PDILT: variants seen among roughly 807,000 people sequenced by gnomAD.
PDILT encodes protein disulfide isomerase like, testis expressed, also known as protein disulfide-isomerase-like protein of the testis.
A neutral mutation model predicts 53.7 loss-of-function variants in PDILT; 43 were observed. The ratio of observed to expected loss-of-function variants is 0.80; its 90% CI spans 0.63 to 1.03. The LOEUF (loss-of-function observed/expected upper bound fraction) is 1.03, where lower values mean the gene tolerates loss of function less well. Among genes scored for constraint, PDILT ranks in the 50% least tolerant of loss-of-function variants. The pLI, the probability that PDILT is intolerant of heterozygous loss-of-function variation, is 0.00. For synonymous variants in PDILT, 282 were observed against 274.2 expected, an observed-to-expected ratio of 1.03 and a Z score of -0.28; for missense variants, 727 against 712.3, an observed-to-expected ratio of 1.02 and a Z score of -0.24.
chr16:20,403,849 C>T (rs769840458), intron 1 of PDILT, among the ~76,000 whole-genome samples: 5 of 152,030 alleles, frequency 3.3e-5, no homozygotes, highest in African/African-American at 4.8e-5. Flanking sequence ...ACACCCTACC[C>T]GGGGCCTTTG....
At chr16:20,383,336 A>T (rs962461163) in intron 3 of PDILT, among the ~76,000 whole-genome samples, 1 of 152,050 alleles carries the variant, frequency 6.6e-6, no homozygotes, top group Non-Finnish European at 1.5e-5. Context: ...GAGCAAACAC[A>T]TCACAAAGGG....
At chr16:20,397,638 G>A (rs747022482) in intron 2 of PDILT, among the ~76,000 whole-genome samples, 4 of 152,270 alleles carry the variant, frequency 2.6e-5, no homozygotes, top group Non-Finnish European at 4.4e-5. Flanking sequence ...GTCTGTAAAT[G>A]GTTCTGGTCA....
intron 3 of PDILT, among the ~76,000 whole-genome samples, chr16:20,378,878 T>G (rs984981057): frequency 1.3e-5 from 2 of 152,236 alleles, no homozygotes; most frequent in Admixed American, 6.5e-5. Flanking sequence ...ATAAATGTTC[T>G]TGGCTCTGGT....
intron 9 of PDILT, among the ~76,000 whole-genome samples, chr16:20,364,965 C>T (rs991921723): frequency 5.9e-5 from 9 of 152,122 alleles, no homozygotes; most frequent in African/African-American, 7.2e-5. Context: ...ATCCCAGTTC[C>T]GGCACTTACT....
intron 7 of PDILT, among the ~76,000 whole-genome samples, chr16:20,371,279 A>G (rs1327236428): frequency 6.6e-6 from 1 of 152,200 alleles, no homozygotes; most frequent in Non-Finnish European, 1.5e-5. Context: ...CTAGAAAGTG[A>G]CATGATAATA....
At chr16:20,359,793 G>A (rs528797962) in intron 11 of PDILT, among the ~76,000 whole-genome samples, 12 of 152,328 alleles carry the variant, frequency 7.9e-5, no homozygotes, top group African/African-American at 2.9e-4. Context: ...TCAGGTAAGA[G>A]GACCTTTGGG....
Position 20,359,385 on chromosome 16 carries a change from C to G in PDILT, c.1689G>C (p.Val563=). 1.9e-6 allele frequency: 3 copies of G among 1,614,136 alleles called. No individual in the cohort carries two copies. In the Admixed American group the frequency reaches 5.0e-5, roughly 27 times the overall value. The change falls in exon 12 of 12, where the codon GTG becomes GTC. Residue 563 remains valine (V), a synonymous_variant. Coordinates refer to ENST00000302451, the MANE Select transcript of PDILT (RefSeq NM_174924.2). ...GAGGTCCCTTTGGCTTAGCCACCAC[C>G]ACCACCACCTCCTCAGATGTTTTCT... ...GKKKTSEEVV[V]VVAKPKGPPV...
intron 10 of PDILT, among the ~76,000 whole-genome samples, 180 bp downstream of exon 10, chr16:20,362,224 G>A (rs1422249764): frequency 6.6e-6 from 1 of 152,220 alleles, no homozygotes; most frequent in African/African-American, 2.4e-5. Context: ...GTGAGTCTCA[G>A]GACTTTGGTG....
intron 1 of PDILT, among the ~76,000 whole-genome samples, chr16:20,403,000 C>A (rs867560223): frequency 6.6e-6 from 1 of 152,224 alleles, no homozygotes. Flanking sequence ...CAGCTCCCTA[C>A]CCCCTACTCA....
chr16:20,400,178 G>T (rs1966719041), intron 1 of PDILT, among the ~76,000 whole-genome samples: 1 of 151,674 alleles, frequency 6.6e-6, no homozygotes. Flanking sequence ...TCACCCTAGT[G>T]ATCCTCCCAC....
At chr16:20,369,463 G>T in intron 8 of PDILT, 29 bp downstream of exon 8, 1 of 1,595,112 alleles carries the variant, frequency 6.3e-7, no homozygotes, top group African/African-American at 1.3e-5. Flanking sequence ...TTGAGGTTCT[G>T]GATAAACCTT....
At chr16:20,381,608 C>T (rs1596589996) in intron 3 of PDILT, among the ~76,000 whole-genome samples, 1 of 148,910 alleles carries the variant, frequency 6.7e-6, no homozygotes, top group Non-Finnish European at 1.5e-5. Flanking sequence ...TGCACTCCAG[C>T]CTGGCAAAAC....
chr16:20,368,019 C>A (rs537201743), intron 8 of PDILT, among the ~76,000 whole-genome samples: 1 of 152,072 alleles, frequency 6.6e-6, no homozygotes, highest in African/African-American at 2.4e-5. Context: ...TGCAAGTTCA[C>A]AGAGGGGGCA....
intron 1 of PDILT, among the ~76,000 whole-genome samples, chr16:20,400,054 C>A (rs11862390): frequency 0.15 from 18,432 of 123,494 alleles, 2,134 homozygotes; most frequent in African/African-American, 0.31. Flanking sequence ...ATCTATCTAT[C>A]TATATATATA....
Position 20,376,110 on chromosome 16 carries a change from C to T in PDILT, c.501G>A (p.Glu167=). 6.2e-7 allele frequency: 1 copy of T among 1,614,196 alleles called. No homozygotes were observed. The highest frequency in any genetic ancestry group is 8.5e-7 in the Non-Finnish European group (1 of 1,180,024). Residue 167 remains glutamate, a synonymous_variant, in exon 4 of 12, where the codon GAG becomes GAA. Coordinates refer to ENST00000302451, the MANE Select transcript of PDILT (RefSeq NM_174924.2). ...TGACCAAGGGCCTGGATATCACAAA[C>T]TCTGCCACCTGCTCGCTGCTGTTGA... ...FLFNSSEQVA[E]FVISRPLVIV...
At position 20,392,078 on chromosome 16, in the gene PDILT, G is replaced by A. The variant is rs781698090; in HGVS notation, c.202+7021C>T. On this transcript the variant is annotated intron_variant, in intron 2 of 11. Coordinates refer to ENST00000302451, the MANE Select transcript of PDILT (RefSeq NM_174924.2). ...TCTCAGAGGCTGCTGCAGTGGTTCAGGTGAGGAATAATGAGGCCTGAACCA... is the reference window on the plus strand; with the variant it reads ...TCTCAGAGGCTGCTGCAGTGGTTCAAGTGAGGAATAATGAGGCCTGAACCA... Among the ~76,000 whole-genome samples, 3 of 152,094 alleles carry A rather than the reference G, an allele frequency of 2.0e-5. No homozygotes were observed. The South Asian group carries it at 6.2e-4, about 32-fold the overall frequency.
chr16:20,362,313 G>A (rs1966116354), intron 10 of PDILT, 91 bp downstream of exon 10: 1 of 1,371,274 alleles, frequency 7.3e-7, no homozygotes, highest in Non-Finnish European at 1.0e-6. Flanking sequence ...AACTGGTTTG[G>A]TAGAAAGCGC....
chr16:20,402,342 A>G (rs1444064808), intron 1 of PDILT, among the ~76,000 whole-genome samples: 41 of 142,256 alleles, frequency 2.9e-4, no homozygotes, highest in Non-Finnish European at 7.5e-5. Context: ...TCTGTCGCCC[A>G]GGCTGCAATG....
At chr16:20,381,010 G>A (rs77924615) in intron 3 of PDILT, among the ~76,000 whole-genome samples, 24,310 of 152,254 alleles carry the variant, frequency 0.16, 2,268 homozygotes, top group South Asian at 0.22. Flanking sequence ...CAACTGAGGT[G>A]TGAATGCAAT....
Sources: allele counts gnomAD v4.1 joint callset (sites outside exome capture counted in the v4.1 genomes callset), GRCh38; gene constraint gnomAD v4.1.1; transcripts MANE v1.5; gene names NCBI Gene and HGNC (gene_info 2026-07-23, HGNC 2026-07-21).